Variants in SMYD3 observed in about 807,000 individuals in gnomAD.
SMYD3 encodes histone-lysine N-methyltransferase SMYD3.
SMYD3 carries 36 observed loss-of-function variants against 57.7 expected under a neutral mutation model. The observed-to-expected ratio is 0.62, with a 90% confidence interval of 0.48 to 0.82. SMYD3 has a LOEUF of 0.82. Among genes scored for constraint, SMYD3 ranks in the 40% least tolerant of loss-of-function variants. The pLI is 0.00. For missense variants in SMYD3, 515 were observed against 538.8 expected (o/e 0.96, Z 0.44); for synonymous variants, 211 against 195.0 (o/e 1.08, Z -0.68).
chr1:245,984,062 C>G lies in SMYD3; in HGVS notation c.532-54125G>C, dbSNP rs1044171718. On this transcript the variant is annotated intron_variant, in intron 5 of 11. Transcript: ENST00000490107. ...TTGCCCAGGCTGGAGTGCAATGGCG[C>G]GGTCTCGGCTCACTGCAACCTCTGC... Among the ~76,000 whole-genome samples, 8 of 148,364 alleles carry G rather than the reference C, an allele frequency of 5.4e-5. 1 individual carries two copies.
chr1:245,813,903 T>TATATATATATATACACAC (rs1447467637), intron 10 of SMYD3, among the ~76,000 whole-genome samples: 1 of 145,936 alleles, frequency 6.9e-6, no homozygotes, highest in African/African-American at 2.7e-5. Context: ...TATATATATA[T>TATATATATATATACACAC]ACAGATGAAT....
chr1:246,506,993 C>CCCCCCCCCCCCCCCCCCCCCCCCA, intron 1 of SMYD3, 61 bp downstream of exon 1: 1 of 884,052 alleles, frequency 1.1e-6, no homozygotes, highest in Non-Finnish European at 1.5e-6. Flanking sequence ...CCCGACGCCC[C>CCCCCCCCCCCCCCCCCCCCCCCCA]CCCCTCCCCA....
chr1:246,284,628 A>C (rs907589595), intron 5 of SMYD3, among the ~76,000 whole-genome samples: 1 of 151,268 alleles, frequency 6.6e-6, no homozygotes, highest in African/African-American at 2.4e-5. Flanking sequence ...ATGTTAGCCA[A>C]GATGGTCTCG....
At chr1:245,753,895 A>C (rs1406824698) in intron 11 of SMYD3, among the ~76,000 whole-genome samples, 1 of 152,248 alleles carries the variant, frequency 6.6e-6, no homozygotes, top group East Asian at 1.9e-4. Flanking sequence ...AGATTAAGGA[A>C]ATATAAAATT....
intron 5 of SMYD3, among the ~76,000 whole-genome samples, chr1:246,177,029 A>G (rs1427634139): frequency 6.6e-6 from 1 of 152,242 alleles, no homozygotes; most frequent in Non-Finnish European, 1.5e-5. Flanking sequence ...TGCTGTTTGG[A>G]TATTACAGGA....
intron 5 of SMYD3, among the ~76,000 whole-genome samples, chr1:246,299,605 T>A (rs186330840): frequency 6.6e-6 from 1 of 152,028 alleles, no homozygotes; most frequent in Non-Finnish European, 1.5e-5. Context: ...CCATCAATGG[T>A]AGACTGAATT....
chr1:245,954,904 A>G (rs941598543), intron 5 of SMYD3, among the ~76,000 whole-genome samples: 1 of 152,190 alleles, frequency 6.6e-6, no homozygotes, highest in African/African-American at 2.4e-5. Context: ...CTTTTTTAAA[A>G]ACAGATTTGA....
At chr1:246,028,782 T>C (rs1572911717) in intron 5 of SMYD3, among the ~76,000 whole-genome samples, 1 of 152,152 alleles carries the variant, frequency 6.6e-6, no homozygotes, top group Non-Finnish European at 1.5e-5. Flanking sequence ...AAAGCAATAA[T>C]GAGCAAAAAT....
intron 5 of SMYD3, among the ~76,000 whole-genome samples, chr1:245,952,451 T>A (rs1301567557): frequency 6.6e-6 from 1 of 152,054 alleles, no homozygotes; most frequent in South Asian, 2.1e-4. Flanking sequence ...GGAAAAAAAA[T>A]GACGTTTTTA....
At position 246,248,635 on chromosome 1, in the gene SMYD3, C is replaced by CTTT. The variant is rs1558348050; in HGVS notation, c.531+78565_531+78566insAAA. ...AGTTATGCAAAAGCTCTCTGACTTTCCTTTTTTTTTTTTTTTTTTTTTTTG... is the reference window on the plus strand; with the variant it reads ...AGTTATGCAAAAGCTCTCTGACTTTCTTTCTTTTTTTTTTTTTTTTTTTTTTTG... On this transcript the variant is annotated intron_variant, in intron 5 of 11. Coordinates refer to ENST00000490107, the MANE Select transcript of SMYD3 (RefSeq NM_001167740.2). 1.6e-3 allele frequency among the ~76,000 whole-genome samples: 109 copies of CTTT among 68,296 alleles called. 3 individuals are homozygous for CTTT. The East Asian group carries it at 0.016, about 10-fold the overall frequency. 44.8% of individuals were successfully genotyped at this position (68,296 alleles called of 152,430 possible). A position where few individuals can be genotyped will look rare whatever the true frequency, so the allele number is the denominator to read the frequency against.
chr1:246,444,040 G>A (rs746550367), intron 1 of SMYD3, among the ~76,000 whole-genome samples: 3 of 152,056 alleles, frequency 2.0e-5, no homozygotes, highest in African/African-American at 4.8e-5. Context: ...GTCCTGCCAT[G>A]GGTTTGTTAC....
intron 5 of SMYD3, among the ~76,000 whole-genome samples, chr1:245,999,711 C>T (rs1453955871): frequency 6.6e-6 from 1 of 152,158 alleles, no homozygotes; most frequent in Non-Finnish European, 1.5e-5. Flanking sequence ...AACCAACATA[C>T]TGCATTCTTA....
chr1:245,997,030 G>A (rs1219155843), intron 5 of SMYD3, among the ~76,000 whole-genome samples: 5 of 152,212 alleles, frequency 3.3e-5, no homozygotes, highest in Admixed American at 6.5e-5. Context: ...TAGGGTATGC[G>A]CATATGCTGC....
At chr1:246,316,292 C>CA (rs1271601313) in intron 5 of SMYD3, among the ~76,000 whole-genome samples, 1 of 151,252 alleles carries the variant, frequency 6.6e-6, no homozygotes, top group Non-Finnish European at 1.5e-5. Context: ...GAGACTGAGG[C>CA]AGGAAGATTG....
chr1:246,493,224 G>T (rs947589005), intron 1 of SMYD3, among the ~76,000 whole-genome samples: 1 of 144,910 alleles, frequency 6.9e-6, no homozygotes, highest in South Asian at 2.4e-4. Flanking sequence ...GGGAGGAGAG[G>T]GGGGCTGAGG....
At chr1:246,072,783 T>A (rs1298343593) in intron 5 of SMYD3, among the ~76,000 whole-genome samples, 1 of 145,004 alleles carries the variant, frequency 6.9e-6, no homozygotes, top group South Asian at 2.3e-4. Flanking sequence ...GTAAACTGCT[T>A]TCTCTCTGAG....
At chr1:246,390,577 T>C (rs1477021401) in intron 1 of SMYD3, among the ~76,000 whole-genome samples, 1 of 152,200 alleles carries the variant, frequency 6.6e-6, no homozygotes, top group East Asian at 1.9e-4. Context: ...TAAATATAAG[T>C]CACATATATA....
intron 5 of SMYD3, among the ~76,000 whole-genome samples, chr1:246,093,283 A>C (rs2060852951): frequency 6.6e-6 from 1 of 152,220 alleles, no homozygotes; most frequent in Non-Finnish European, 1.5e-5. Context: ...TCCAAAAGAA[A>C]GGAACTCAGT....
chr1:246,491,414 C>A (rs2068268469), intron 1 of SMYD3, among the ~76,000 whole-genome samples: 1 of 152,046 alleles, frequency 6.6e-6, no homozygotes. Context: ...GTAGCGGACA[C>A]CGGTAATTCC....
Sources: gnomAD v4.1 joint callset for allele counts (sites outside exome capture counted in the v4.1 genomes callset) on GRCh38, gnomAD v4.1.1 for gene constraint, MANE v1.5 for transcripts, NCBI Gene and HGNC (gene_info 2026-07-23, HGNC 2026-07-21) for gene names.